Variants in MYPN observed in about 807,000 individuals in gnomAD.
MYPN encodes the protein sarcomeric protein myopalladin, 145 kDa (MYOP).
Under a neutral mutation model 129.4 loss-of-function variants are expected in MYPN, and 63 were observed. The observed-to-expected ratio is 0.49, with a 90% CI of 0.40 to 0.60. The LOEUF is 0.60. Among genes scored for constraint, MYPN ranks in the 20% least tolerant of loss-of-function variants. The pLI is 0.00. For missense variants in MYPN, 1,596 were observed against 1,635.4 expected, an observed-to-expected ratio of 0.98 and a Z score of 0.42; for synonymous variants, 629 against 600.9, an observed-to-expected ratio of 1.05 and a Z score of -0.68.
intron 15 of MYPN, 36 bp downstream of exon 15, chr10:68,195,568 TC>T: frequency 6.4e-7 from 1 of 1,553,436 alleles, no homozygotes; most frequent in South Asian, 1.1e-5. Context: ...TCTAGGCCCT[TC>T]CCAAGCACCT....
Position 68,129,006 on chromosome 10 carries a change from T to C in MYPN, c.902+6666T>C, listed in dbSNP as rs527271149. Among the ~76,000 whole-genome samples, 328 of 149,782 alleles carry C rather than the reference T, an allele frequency of 2.2e-3. 1 individual carries two copies. The highest frequency in any genetic ancestry group is 5.5e-3 in the African/African-American group (223 of 40,908). On this transcript the variant is annotated intron_variant, in intron 2 of 19. Transcript: ENST00000358913. Reference sequence around the variant, plus strand: ...GATTCTCTCTCCTCTCTCTCTCTCTTTTTTTTTTAATGTGCCTTAAACTAG... The same window carrying C: ...GATTCTCTCTCCTCTCTCTCTCTCTCTTTTTTTTAATGTGCCTTAAACTAG...
At chr10:68,208,543 C>G (rs1206587221) in intron 19 of MYPN, among the ~76,000 whole-genome samples, 1 of 152,122 alleles carries the variant, frequency 6.6e-6, no homozygotes, top group African/African-American at 2.4e-5. Context: ...CCAGTCTTCA[C>G]CAAGTCAGAA....
At chr10:68,197,565 G>A in intron 16 of MYPN, 87 bp downstream of exon 16, 1 of 1,313,662 alleles carries the variant, frequency 7.6e-7, no homozygotes, top group Non-Finnish European at 1.0e-6. Flanking sequence ...TGTTTTGTGG[G>A]TTTTTTTTTT....
At chr10:68,187,334 A>G (rs1361647098) in intron 12 of MYPN, among the ~76,000 whole-genome samples, 3 of 152,012 alleles carry the variant, frequency 2.0e-5, no homozygotes, top group Non-Finnish European at 4.4e-5. Flanking sequence ...GTAACCATTC[A>G]GAAAATTTCA....
intron 1 of MYPN, among the ~76,000 whole-genome samples, chr10:68,094,071 G>A (rs2041943896): frequency 6.6e-6 from 1 of 151,964 alleles, no homozygotes; most frequent in African/African-American, 2.4e-5. Flanking sequence ...ACAACCAAAG[G>A]TCACTTTCGT....
chr10:68,153,508 T>C (rs2042813562), intron 6 of MYPN, among the ~76,000 whole-genome samples: 1 of 152,164 alleles, frequency 6.6e-6, no homozygotes, highest in Non-Finnish European at 1.5e-5. Flanking sequence ...GGGAAAATGG[T>C]CCTTAGTACA....
At chr10:68,163,443 G>A (rs942269302) in intron 8 of MYPN, among the ~76,000 whole-genome samples, 14 of 151,600 alleles carry the variant, frequency 9.2e-5, no homozygotes, top group Non-Finnish European at 2.1e-4. Context: ...TGGCTAACAC[G>A]GTGAAACCCC....
chr10:68,133,021 A>ATTTT (rs35346306), intron 2 of MYPN, among the ~76,000 whole-genome samples: 89 of 116,206 alleles, frequency 7.7e-4, no homozygotes, highest in South Asian at 3.7e-3. Context: ...GTAGACCTCA[A>ATTTT]TTTTTTTTTT....
intron 5 of MYPN, 72 bp from the exon 6 acceptor site, chr10:68,149,968 G>C: frequency 7.3e-7 from 1 of 1,376,792 alleles, no homozygotes; most frequent in Non-Finnish European, 1.0e-6. Flanking sequence ...AAATTCTATA[G>C]GTTTGTTATG....
chr10:68,182,007 C>CCTCCTGACT (rs972662072), intron 12 of MYPN, among the ~76,000 whole-genome samples: 6 of 151,936 alleles, frequency 3.9e-5, no homozygotes, highest in African/African-American at 1.5e-4. Context: ...GGGTCTTCTC[C>CCTCCTGACT]CTCCTGACTC....
At chr10:68,145,672 A>C in intron 4 of MYPN, 146 bp downstream of exon 4, 1 of 709,978 alleles carries the variant, frequency 1.4e-6, no homozygotes, top group Non-Finnish European at 2.4e-6. Flanking sequence ...CAAACAAACA[A>C]ACAAATTGAG....
chr10:68,152,161 G>C (rs567595409), intron 6 of MYPN, among the ~76,000 whole-genome samples: 1 of 152,276 alleles, frequency 6.6e-6, no homozygotes, highest in South Asian at 2.1e-4. Context: ...TTAGGATAAG[G>C]GGTTGTAGAG....
chr10:68,178,610 G>A (rs1240610464), intron 12 of MYPN, among the ~76,000 whole-genome samples: 1 of 151,524 alleles, frequency 6.6e-6, no homozygotes, highest in Non-Finnish European at 1.5e-5. Context: ...CTACTCGGGA[G>A]GCTGAAGCAG....
chr10:68,139,881 C>G (rs528861286), intron 2 of MYPN, among the ~76,000 whole-genome samples: 8 of 152,306 alleles, frequency 5.3e-5, no homozygotes, highest in African/African-American at 1.9e-4. Context: ...AAGACCAATA[C>G]GGTCCTCTCG....
Position 68,121,942 on chromosome 10 carries a change from C to T in MYPN, c.504C>T (p.His168=). The part of the protein sequence containing the change: ...IEELSSLFKS[H]SSKRIRPRAC... ...AGCTATCCTCCCTTTTCAAATCCCA[C>T]AGCTCCAAAAGGATTAGACCTCGTG... Residue 168 remains histidine, a synonymous_variant, in exon 2 of 20, where the codon CAC becomes CAT. Transcript: ENST00000358913. 1 of 1,614,224 alleles carries T rather than the reference C, an allele frequency of 6.2e-7. No individual in the cohort carries two copies. The highest frequency in any genetic ancestry group is 8.5e-7 in the Non-Finnish European group (1 of 1,180,046).
At chr10:68,095,162 G>A (rs977012931) in intron 1 of MYPN, among the ~76,000 whole-genome samples, 1 of 151,880 alleles carries the variant, frequency 6.6e-6, no homozygotes, top group Non-Finnish European at 1.5e-5. Flanking sequence ...TTGGCAACAT[G>A]GTAAAACCCC....
chr10:68,121,519 G>T lies in MYPN; in HGVS notation c.81G>T (p.Arg27=). The T allele has an allele frequency of 6.2e-7, 1 of 1,614,142 alleles. No individual in the cohort carries two copies. Among genetic ancestry groups the T allele is most frequent in the Non-Finnish European group, 8.5e-7 (1 of 1,180,016 alleles). The part of the protein sequence containing the change: ...RESYLAETRH[R]GNNERSRAEP... ...GCTATTTAGCTGAAACCAGACATCG[G>T]GGAAACAATGAGAGGAGTCGAGCGG... Residue 27 remains arginine, a synonymous_variant, in exon 2 of 20, where the codon CGG becomes CGT. Coordinates refer to ENST00000358913, the MANE Select transcript of MYPN (RefSeq NM_032578.4).
chr10:68,188,811 C>T lies in MYPN; in HGVS notation c.2704-94C>T, dbSNP rs1360559857. 9 of 999,458 alleles carry T rather than the reference C, an allele frequency of 9.0e-6. No homozygotes were observed. In the Admixed American group the frequency reaches 9.9e-5, roughly 11 times the overall value. 61.9% of individuals were successfully genotyped at this position (999,458 alleles called of 1,614,324 possible). On this transcript the variant is annotated intron_variant, in intron 12 of 19. Transcript: ENST00000358913. ...TTTGGATTTCATGGTATAAATCTAACGTCTGAATCTTAAAAAGTGGCTTCC... is the reference window on the plus strand; with the variant it reads ...TTTGGATTTCATGGTATAAATCTAATGTCTGAATCTTAAAAAGTGGCTTCC...
chr10:68,134,873 G>A (rs890055877), intron 2 of MYPN, among the ~76,000 whole-genome samples: 1 of 152,060 alleles, frequency 6.6e-6, no homozygotes, highest in Non-Finnish European at 1.5e-5. Flanking sequence ...CTTGGTATTA[G>A]CCACTACCTA....
Sources: allele counts gnomAD v4.1 joint callset (sites outside exome capture counted in the v4.1 genomes callset), GRCh38; gene constraint gnomAD v4.1.1; transcripts MANE v1.5; gene names NCBI Gene and HGNC (gene_info 2026-07-23, HGNC 2026-07-21).